The following SVOPL variants were observed in gnomAD, a reference collection of about 807,000 sequenced individuals.
The protein encoded by SVOPL is SVOP like.
SVOPL carries 60 observed loss-of-function variants against 61.0 expected under a neutral mutation model. The ratio of observed to expected loss-of-function variants is 0.98; its 90% CI spans 0.80 to 1.22. SVOPL has a LOEUF of 1.22. SVOPL is among the 50% of genes most tolerant of loss of function. The probability of loss-of-function intolerance (pLI) is 0.00; values close to 1 mark genes in which losing one functional copy is unlikely to be tolerated. For synonymous variants in SVOPL, 279 were observed against 250.0 expected, an observed-to-expected ratio of 1.12 and a Z score of -1.09; for missense variants, 662 against 643.9, an observed-to-expected ratio of 1.03 and a Z score of -0.30.
intron 4 of SVOPL, among the ~76,000 whole-genome samples, chr7:138,670,567 T>G (rs1379833662): frequency 6.6e-6 from 1 of 152,172 alleles, no homozygotes; most frequent in Non-Finnish European, 1.5e-5. Context: ...CCACTATGAT[T>G]GCATCTCCAA....
chr7:138,601,047 C>A (rs1012528546), intron 14 of SVOPL, among the ~76,000 whole-genome samples: 1 of 151,602 alleles, frequency 6.6e-6, no homozygotes, highest in Non-Finnish European at 1.5e-5. Flanking sequence ...GTCAGGAGAT[C>A]GAGACCATCC....
rs374957487 is a variant in SVOPL at position 138,674,049 on chromosome 7, G to T, written c.175-1932C>A. ...AAAATACAAAATAAATTAGCTGGGCGTGGTGGCATGTGCCTATAATCCCAG... is the reference window on the plus strand; with the variant it reads ...AAAATACAAAATAAATTAGCTGGGCTTGGTGGCATGTGCCTATAATCCCAG... On this transcript the variant is annotated intron_variant, in intron 3 of 15. Transcript: ENST00000674285. Among the ~76,000 whole-genome samples, 3 of 151,946 alleles carry T rather than the reference G, an allele frequency of 2.0e-5. 1 individual carries two copies. Among genetic ancestry groups the T allele is most frequent in the African/African-American group, 7.2e-5 (3 of 41,412 alleles).
intron 8 of SVOPL, among the ~76,000 whole-genome samples, chr7:138,647,579 G>A (rs1055521345): frequency 1.3e-5 from 2 of 150,702 alleles, no homozygotes; most frequent in Non-Finnish European, 3.0e-5. Context: ...GGCCGGGTGT[G>A]GTGGCTCACA....
chr7:138,697,854 C>T (rs1487627929), intron 1 of SVOPL, among the ~76,000 whole-genome samples: 1 of 151,752 alleles, frequency 6.6e-6, no homozygotes, highest in Admixed American at 6.6e-5. Flanking sequence ...AGAAGATAAT[C>T]CCAATAGATT....
At chr7:138,612,447 T>TAAAAAAAA (rs59229265) in intron 14 of SVOPL, among the ~76,000 whole-genome samples, 7 of 22,320 alleles carry the variant, frequency 3.1e-4, no homozygotes, top group African/African-American at 4.8e-4. Flanking sequence ...AAAAAAAAAA[T>TAAAAAAAA]AAAAAAAAAA....
At chr7:138,660,692 A>AT (rs1304045535) in intron 5 of SVOPL, 2 of 985,332 alleles carry the variant, frequency 2.0e-6, no homozygotes, top group Non-Finnish European at 1.2e-6. Flanking sequence ...AGCAAGCTAG[A>AT]TTTCTGGAAG....
chr7:138,663,414 G>A lies in SVOPL; in HGVS notation c.274-269C>T, dbSNP rs1802092241. ...CCGCTTGTTGCTAGAGGACGGCTTCGGCTCCACTCTATTCAGATGTGTACT... is the reference window on the plus strand; with the variant it reads ...CCGCTTGTTGCTAGAGGACGGCTTCAGCTCCACTCTATTCAGATGTGTACT... On this transcript the variant is annotated intron_variant, in intron 4 of 15. Coordinates refer to ENST00000674285, the MANE Select transcript of SVOPL (RefSeq NM_001139456.2). 5 of 1,352,210 alleles carry A rather than the reference G, an allele frequency of 3.7e-6. No homozygotes were observed. The South Asian group carries it at 6.5e-5, about 18-fold the overall frequency. 83.8% of individuals were successfully genotyped at this position (1,352,210 alleles called of 1,614,324 possible). A position where few individuals can be genotyped will look rare whatever the true frequency, so the allele number is the denominator to read the frequency against.
At chr7:138,642,252 CA>C (rs1302786248) in intron 9 of SVOPL, among the ~76,000 whole-genome samples, 1 of 54,966 alleles carries the variant, frequency 1.8e-5, no homozygotes, top group Non-Finnish European at 3.6e-5. Flanking sequence ...CAAGCTAGAA[CA>C]AAAAAAGTCA....
At chr7:138,654,505 T>TTTG (rs1801609699) in intron 7 of SVOPL, among the ~76,000 whole-genome samples, 1 of 148,056 alleles carries the variant, frequency 6.8e-6, no homozygotes, top group African/African-American at 2.5e-5. Context: ...AGTTTGTTTT[T>TTTG]TTTTTTTTTT....
intron 8 of SVOPL, among the ~76,000 whole-genome samples, chr7:138,645,136 A>G (rs192577373): frequency 6.6e-6 from 1 of 152,128 alleles, no homozygotes; most frequent in East Asian, 1.9e-4. Flanking sequence ...CTCACTTTCA[A>G]TTGTTAAATA....
chr7:138,676,405 C>T (rs936960337), intron 3 of SVOPL, among the ~76,000 whole-genome samples: 11 of 152,176 alleles, frequency 7.2e-5, no homozygotes, highest in African/African-American at 1.2e-4. Context: ...GGTTCTGCTG[C>T]CCGGAGAGGA....
rs60875635 is a variant in SVOPL, at chr7:138,597,641, CGTGTGTGTGTGTGTGTGT to C, written c.1354-1129_1354-1112del. The stretch of plus-strand genomic sequence containing the variant: ...CAAACAGGAGTTTGTATAACGTCTG[CGTGTGTGTGTGTGTGTGT>C]GTGTGTGTGTTTTACTGCTGGAAAT... On this transcript the variant is annotated intron_variant, in intron 14 of 15. Coordinates refer to ENST00000674285, the MANE Select transcript of SVOPL (RefSeq NM_001139456.2). Among the ~76,000 whole-genome samples, 8 of 147,618 alleles carry C rather than the reference CGTGTGTGTGTGTGTGTGT, an allele frequency of 5.4e-5. No homozygotes were observed. In the East Asian group the frequency reaches 1.6e-3, roughly 30 times the overall value.
chr7:138,655,967 A>C (rs930532762), intron 7 of SVOPL, among the ~76,000 whole-genome samples: 4 of 152,188 alleles, frequency 2.6e-5, no homozygotes, highest in Non-Finnish European at 5.9e-5. Flanking sequence ...AATGCTATCA[A>C]ACAGCATTGC....
chr7:138,651,344 C>T (rs944543929), intron 7 of SVOPL, among the ~76,000 whole-genome samples: 1 of 152,204 alleles, frequency 6.6e-6, no homozygotes, highest in Non-Finnish European at 1.5e-5. Context: ...TGGCTTCAAG[C>T]ATTCCCAGGC....
chr7:138,661,152 C>T, intron 5 of SVOPL: 4 of 985,338 alleles, frequency 4.1e-6, no homozygotes, highest in Non-Finnish European at 4.8e-6. Context: ...GAGATTCCTC[C>T]ATTTGTGTTT....
At chr7:138,621,978 C>CTATCTATGTATCTATCTATCTATG (rs1799616765) in intron 13 of SVOPL, among the ~76,000 whole-genome samples, 2 of 51,162 alleles carry the variant, frequency 3.9e-5, no homozygotes, top group Non-Finnish European at 9.6e-5. Flanking sequence ...ATCTATGTAT[C>CTATCTATGTATCTATCTATCTATG]TATCTATCTA....
rs1482346875 is a variant in SVOPL at position 138,627,426 on chromosome 7, C to T, written c.1105G>A (p.Gly369Arg). Residue 369 changes from glycine to arginine, a missense_variant, in exon 12 of 16, where the codon GGA becomes AGA. By Grantham distance (125) the Gly-to-Arg change is moderately radical. Coordinates refer to ENST00000674285, the MANE Select transcript of SVOPL (RefSeq NM_001139456.2). ...GTAATAGAAAGGCTCAGCCGTCTTC[C>T]CAGGAAATTGATGCCCAGTATATTT... ...PLNILGINFL[G>R]RRLSLSITMG... The T allele has an allele frequency of 2.5e-6, 4 of 1,613,774 alleles. No individual in the cohort carries two copies. The South Asian group carries it at 4.4e-5, about 18-fold the overall frequency.
At chr7:138,677,824 G>A (rs923896589) in intron 3 of SVOPL, among the ~76,000 whole-genome samples, 11 of 148,820 alleles carry the variant, frequency 7.4e-5, no homozygotes, top group South Asian at 2.1e-4. Flanking sequence ...GTGCAGTGGC[G>A]CGATCTCAGC....
rs1363057927 is a variant in SVOPL at position 138,612,458 on chromosome 7, A to T, written c.1353+8588T>A. On this transcript the variant is annotated intron_variant, in intron 14 of 15. Transcript: ENST00000674285. The stretch of plus-strand genomic sequence containing the variant: ...AAATAAAAAAAAAATAAAAAAAAAA[A>T]AAAAAGAAAGATAAGACTTTATCTT... Among the ~76,000 whole-genome samples, 26 of 96,806 alleles carry T rather than the reference A, an allele frequency of 2.7e-4. 5 individuals carry two copies. Among genetic ancestry groups the T allele is most frequent in the Non-Finnish European group, 3.5e-4 (14 of 40,300 alleles). The allele number at this position is 96,806 out of a possible 152,430, so 63.5% of individuals were successfully genotyped here. A position where few individuals can be genotyped will look rare whatever the true frequency, so the allele number is the denominator to read the frequency against.
Sources: allele counts gnomAD v4.1 joint callset (sites outside exome capture counted in the v4.1 genomes callset), GRCh38; gene constraint gnomAD v4.1.1; transcripts MANE v1.5; gene names NCBI Gene and HGNC (gene_info 2026-07-23, HGNC 2026-07-21).